Variants in KCNH4 observed in about 807,000 individuals in gnomAD.
The protein encoded by KCNH4 is voltage-gated delayed rectifier potassium channel KCNH4.
KCNH4 carries 33 observed loss-of-function variants against 90.7 expected under a neutral mutation model. The ratio of observed to expected loss-of-function variants is 0.36; its 90% CI spans 0.28 to 0.49. The LOEUF (loss-of-function observed/expected upper bound fraction) is 0.49. KCNH4 is among the 20% of genes least tolerant of loss of function. The probability of loss-of-function intolerance (pLI) is 0.98; values close to 1 mark genes in which losing one functional copy is unlikely to be tolerated. For missense variants in KCNH4, 1,044 were observed against 1,387.1 expected, an observed-to-expected ratio of 0.75 and a Z score of 3.93; for synonymous variants, 551 against 581.7, an observed-to-expected ratio of 0.95 and a Z score of 0.76.
At position 42,176,288 on chromosome 17, in the gene KCNH4, C is replaced by G; in HGVS notation, c.595G>C (p.Glu199Gln). Residue 199 changes from glutamate to glutamine, a missense_variant, in exon 5 of 17, where the codon GAG (glutamate) becomes CAG (glutamine). By Grantham distance (29) the Glu-to-Gln change is conservative. Coordinates refer to ENST00000264661, the MANE Select transcript of KCNH4 (RefSeq NM_012285.3). ...TACTCGGGCACTGATGGCTTTGGCT[C>G]AAACACGTTCTAAGGGGAGAGGGGT... Reference protein sequence around the residue: ...GGMKANNNVFEPKPSVPEYKV... With the variant: ...GGMKANNNVFQPKPSVPEYKV... 1 of 1,557,200 alleles carries G rather than the reference C, an allele frequency of 6.4e-7. No homozygotes were observed. The highest frequency in any genetic ancestry group is 8.7e-7 in the Non-Finnish European group (1 of 1,147,638).
At position 42,175,739 on chromosome 17, in the gene KCNH4, G is replaced by A; in HGVS notation, c.830-3C>T. The A allele has an allele frequency of 6.2e-7, 1 of 1,613,958 alleles. No homozygotes were observed. The highest frequency in any genetic ancestry group is 1.1e-5 in the South Asian group (1 of 91,062). ...GGTGCGGAAGTTCAGGATGATATCT[G>A]GGGGTGCAAGAGGCTATTACTGGGG... On this transcript the variant is annotated splice_polypyrimidine_tract_variant and splice_region_variant and intron_variant, in intron 5 of 16. Transcript: ENST00000264661.
intron 16 of KCNH4, among the ~76,000 whole-genome samples, chr17:42,157,659 G>T (rs1199766384): frequency 6.6e-6 from 1 of 152,134 alleles, no homozygotes; most frequent in Non-Finnish European, 1.5e-5. Context: ...CCAGGCTGGA[G>T]TGCAGTGGTG....
chr17:42,166,147 C>T (rs1186825628), intron 10 of KCNH4, 150 bp downstream of exon 10: 16 of 976,766 alleles, frequency 1.6e-5, no homozygotes, highest in Non-Finnish European at 2.1e-5. Flanking sequence ...GGTCGTAGGG[C>T]GGAGGGACCG....
rs554687133 is a variant in KCNH4 at position 42,169,788 on chromosome 17, C to G, written c.1391-112G>C. ...AGCCAGCGGGCTCCTGTGTGCCTAC[C>G]AGGTGCCAGGCACTAGACTAAGGGT... On this transcript the variant is annotated intron_variant, in intron 8 of 16. Coordinates refer to ENST00000264661, the MANE Select transcript of KCNH4 (RefSeq NM_012285.3). The G allele has an allele frequency of 6.4e-6, 7 of 1,087,884 alleles. No homozygotes were observed. The East Asian group carries it at 9.7e-5, about 15-fold the overall frequency. The allele number at this position is 1,087,884 out of a possible 1,614,324, so 67.4% of individuals were successfully genotyped here. A position where few individuals can be genotyped will look rare whatever the true frequency, so the allele number is the denominator to read the frequency against.
At chr17:42,162,435 T>G in intron 14 of KCNH4, 114 bp from the exon 15 acceptor site, 6 of 824,686 alleles carry the variant, frequency 7.3e-6, no homozygotes, top group Non-Finnish European at 1.2e-5. Flanking sequence ...GACAAAGCTC[T>G]AGGGTCTGTA....
chr17:42,169,788 C>T, intron 8 of KCNH4, 112 bp from the exon 9 acceptor site: 1 of 1,087,884 alleles, frequency 9.2e-7, no homozygotes, highest in Non-Finnish European at 1.4e-6. Flanking sequence ...GTGTGCCTAC[C>T]AGGTGCCAGG....
chr17:42,173,171 G>C (rs2079839096), intron 6 of KCNH4, among the ~76,000 whole-genome samples: 1 of 151,920 alleles, frequency 6.6e-6, no homozygotes, highest in Admixed American at 6.6e-5. Flanking sequence ...GAGCAGCCTG[G>C]CAGCTAGGAC....
intron 6 of KCNH4, among the ~76,000 whole-genome samples, chr17:42,173,937 CG>C (rs1248925887): frequency 1.3e-5 from 2 of 151,714 alleles, no homozygotes; most frequent in Admixed American, 6.6e-5. Context: ...CTCCTGACCT[CG>C]TGATCCGCCC....
At chr17:42,165,743 A>G (rs370630486) in intron 10 of KCNH4, 50 bp from the exon 11 acceptor site, 3 of 1,607,860 alleles carry the variant, frequency 1.9e-6, no homozygotes, top group Non-Finnish European at 2.6e-6. Flanking sequence ...GAACGAAAGG[A>G]TATCAGCTGG....
At chr17:42,176,433 A>G (rs1293835262) in intron 4 of KCNH4, 136 bp from the exon 5 acceptor site, 5 of 737,878 alleles carry the variant, frequency 6.8e-6, no homozygotes, top group Non-Finnish European at 6.6e-6. Context: ...GAAAGGAGAT[A>G]GAAGGCCAGG....
At chr17:42,157,480 C>G (rs1055182773) in intron 16 of KCNH4, among the ~76,000 whole-genome samples, 1 of 152,094 alleles carries the variant, frequency 6.6e-6, no homozygotes, top group Admixed American at 6.6e-5. Context: ...GATCAAGAAA[C>G]GTGGTGACTG....
intron 16 of KCNH4, among the ~76,000 whole-genome samples, chr17:42,159,281 C>T (rs544287936): frequency 6.6e-6 from 1 of 152,318 alleles, no homozygotes; most frequent in African/African-American, 2.4e-5. Flanking sequence ...CCTGCCTTGG[C>T]CTCCCAAAGT....
Position 42,166,369 on chromosome 17 carries a change from G to A in KCNH4, c.1768C>T (p.Leu590=). ...GAGCAGACATAGTAATGTGCCTGCA[G>A]GGCATCCCCACGGCGCAACAGGTAC... ...GEYLLRRGDA[L]QAHYYVCSGS... is the part of the protein sequence containing the mutation. The change falls in exon 10 of 17, where the codon CTG becomes TTG. Residue 590 remains leucine (L), a synonymous_variant. Coordinates refer to ENST00000264661, the MANE Select transcript of KCNH4 (RefSeq NM_012285.3). The A allele has an allele frequency of 8.7e-6, 14 of 1,613,770 alleles. No individual in the cohort carries two copies. Among genetic ancestry groups the A allele is most frequent in the Non-Finnish European group, 1.2e-5 (14 of 1,179,818 alleles).
At chr17:42,172,080 C>T (rs2079831404) in intron 6 of KCNH4, 85 bp from the exon 7 acceptor site, 5 of 1,154,474 alleles carry the variant, frequency 4.3e-6, no homozygotes, top group South Asian at 2.7e-5. Flanking sequence ...TCCCACCAGA[C>T]AACCTGGAGC....
chr17:42,179,146 A>T, intron 1 of KCNH4, 120 bp from the exon 2 acceptor site: 1 of 672,226 alleles, frequency 1.5e-6, no homozygotes, highest in South Asian at 1.9e-5. Context: ...CCAGGTTTCC[A>T]TGTTGCTCCT....
intron 11 of KCNH4, among the ~76,000 whole-genome samples, chr17:42,164,815 C>T (rs112999115): frequency 0.02 from 2,825 of 142,244 alleles, 74 homozygotes; most frequent in African/African-American, 0.063. Context: ...AAAACAAAAA[C>T]GAAAACAAGA....
At chr17:42,161,265 C>T (rs1345234015) in intron 15 of KCNH4, among the ~76,000 whole-genome samples, 2 of 152,226 alleles carry the variant, frequency 1.3e-5, no homozygotes, top group Admixed American at 6.5e-5. Context: ...TTGGGAACCA[C>T]TGGCCTAGAA....
At chr17:42,166,619 G>A (rs2079790248) in intron 9 of KCNH4, 73 bp from the exon 10 acceptor site, 1 of 1,528,104 alleles carries the variant, frequency 6.5e-7, no homozygotes, top group African/African-American at 1.4e-5. Context: ...GTGCTGAGCT[G>A]TCTTCAAAGA....
In KCNH4 at chr17:42,160,303, G is replaced by C. The variant is rs767226950; in HGVS notation, c.2791C>G (p.Gln931Glu). The change falls in exon 16 of 17, where the codon CAG becomes GAG. Residue 931 changes from glutamine (Q) to glutamate (E), a missense_variant. Gln to Glu is a conservative substitution (Grantham distance 29). This residue lies in a region of KCNH4 where 441 missense variants were observed against 512.3 expected (regional missense o/e 0.86). Coordinates refer to ENST00000264661, the MANE Select transcript of KCNH4 (RefSeq NM_012285.3). The stretch of plus-strand genomic sequence containing the variant: ...GGAGAGAGGCATGGTGGCCTCAGCT[G>C]TGGACAAGGAGGGTCTGGGGTCCAA... ...SAWTPDPPCP[Q>E]LRPPCLSPCA... 1.2e-6 allele frequency: 2 copies of C among 1,614,156 alleles called. No individual in the cohort carries two copies. The highest frequency in any genetic ancestry group is 2.2e-5 in the South Asian group (2 of 91,088).
Sources: gnomAD v4.1 joint callset for allele counts (sites outside exome capture counted in the v4.1 genomes callset) on GRCh38, gnomAD v4.1.1 for gene constraint, gnomAD v4.1.1 regional missense constraint, MANE v1.5 for transcripts, NCBI Gene and HGNC (gene_info 2026-07-23, HGNC 2026-07-21) for gene names.